Variants in ARMC3 observed in about 807,000 individuals in gnomAD.
ARMC3 encodes armadillo repeat-containing protein 3.
A neutral mutation model predicts 90.3 loss-of-function variants in ARMC3; 74 were observed. The observed-to-expected ratio is 0.82, with a 90% CI of 0.68 to 0.99. The LOEUF is 0.99. ARMC3 is among the 50% of genes least tolerant of loss of function. The probability of loss-of-function intolerance (pLI) is 0.00; values close to 1 mark genes in which losing one functional copy is unlikely to be tolerated. For synonymous variants in ARMC3, 334 were observed against 361.8 expected, an observed-to-expected ratio of 0.92 and a Z score of 0.87; for missense variants, 958 against 1,042.8, an observed-to-expected ratio of 0.92 and a Z score of 1.12.
intron 16 of ARMC3, among the ~76,000 whole-genome samples, chr10:23,011,734 G>C (rs1838022819): frequency 6.6e-6 from 1 of 152,082 alleles, no homozygotes; most frequent in African/African-American, 2.4e-5. Flanking sequence ...GGTTTGCTAA[G>C]GGACCAAATC....
At chr10:22,998,017 T>C (rs554216683) in intron 10 of ARMC3, 131 bp from the exon 11 acceptor site, 3 of 1,139,958 alleles carry the variant, frequency 2.6e-6, no homozygotes, top group Admixed American at 5.5e-5. Flanking sequence ...TCTGGGTTCA[T>C]TGCATGGCAA....
intron 2 of ARMC3, among the ~76,000 whole-genome samples, chr10:22,934,149 G>T (rs1229944093): frequency 1.3e-5 from 2 of 152,064 alleles, no homozygotes; most frequent in Admixed American, 6.5e-5. Context: ...ATAGTAATTT[G>T]CTTCTTATAT....
intron 7 of ARMC3, among the ~76,000 whole-genome samples, chr10:22,963,922 CAAAAAAA>C (rs35508443): frequency 4.9e-3 from 288 of 58,414 alleles, no homozygotes; most frequent in African/African-American, 0.021. Context: ...CACACACACA[CAAAAAAA>C]AAAAAAAAAA....
At chr10:22,977,294 C>G (rs1436825203) in intron 8 of ARMC3, among the ~76,000 whole-genome samples, 1 of 152,200 alleles carries the variant, frequency 6.6e-6, no homozygotes, top group African/African-American at 2.4e-5. Context: ...GTATAGCCCA[C>G]TCTGCTCTAC....
chr10:22,944,682 G>A lies in ARMC3; in HGVS notation c.49-1462G>A, dbSNP rs144759928. Among the ~76,000 whole-genome samples the A allele has an allele frequency of 4.8e-3, 723 of 152,176 alleles. 3 individuals carry two copies. Among genetic ancestry groups the A allele is most frequent in the African/African-American group, 0.016 (681 of 41,520 alleles). ...GATGTGAGGTCCTCGGGCATTCTGGGGCTACCCTTTAATACCTAAAGAGGA... is the reference window on the plus strand; with the variant it reads ...GATGTGAGGTCCTCGGGCATTCTGGAGCTACCCTTTAATACCTAAAGAGGA... On this transcript the variant is annotated intron_variant, in intron 2 of 18. Coordinates refer to ENST00000298032, the MANE Select transcript of ARMC3 (RefSeq NM_173081.5).
intron 16 of ARMC3, among the ~76,000 whole-genome samples, chr10:23,014,889 C>CAAAA (rs779670823): frequency 6.3e-5 from 4 of 63,062 alleles, no homozygotes; most frequent in Non-Finnish European, 1.3e-4. Flanking sequence ...ATAATCTGTA[C>CAAAA]AAAAAAAAAA....
At chr10:23,027,872 G>A (rs1286986814) in intron 16 of ARMC3, among the ~76,000 whole-genome samples, 1 of 152,038 alleles carries the variant, frequency 6.6e-6, no homozygotes, top group Non-Finnish European at 1.5e-5. Flanking sequence ...CAGGCACGGT[G>A]GCTCAAACCT....
At chr10:23,016,877 A>T (rs1169405267) in intron 16 of ARMC3, among the ~76,000 whole-genome samples, 1 of 152,134 alleles carries the variant, frequency 6.6e-6, no homozygotes, top group African/African-American at 2.4e-5. Context: ...TTTGTAGGTA[A>T]CTCTGAATAG....
chr10:22,946,129 C>T lies in ARMC3; in HGVS notation c.49-15C>T, dbSNP rs1374743189. 6.5e-7 allele frequency: 1 copy of T among 1,534,754 alleles called. No homozygotes were observed. Among genetic ancestry groups the T allele is most frequent in the Non-Finnish European group, 8.9e-7 (1 of 1,118,794 alleles). ...GCTCATATGTGAAACTGATAGTTTT[C>T]TTTCTGCCTTTCAGTTTGACCCATT... On this transcript the variant is annotated splice_polypyrimidine_tract_variant and intron_variant, in intron 2 of 18. Coordinates refer to ENST00000298032, the MANE Select transcript of ARMC3 (RefSeq NM_173081.5).
chr10:23,005,576 A>G (rs1837560786), intron 13 of ARMC3, among the ~76,000 whole-genome samples: 1 of 152,134 alleles, frequency 6.6e-6, no homozygotes, highest in Non-Finnish European at 1.5e-5. Flanking sequence ...TAAAAATGAG[A>G]GGCACTGGCT....
intron 2 of ARMC3, among the ~76,000 whole-genome samples, chr10:22,939,350 C>T (rs981049042): frequency 1.4e-4 from 21 of 152,106 alleles, no homozygotes; most frequent in African/African-American, 5.1e-4. Context: ...GGAACTCCAC[C>T]TGGCAAAGGA....
intron 12 of ARMC3, 143 bp downstream of exon 12, chr10:23,002,198 T>C (rs1273892364): frequency 7.8e-7 from 1 of 1,281,484 alleles, no homozygotes; most frequent in African/African-American, 1.5e-5. Context: ...AGGGCGGGCC[T>C]TGGCTTGGAA....
At chr10:22,987,539 A>G (rs2131361960) in intron 10 of ARMC3, among the ~76,000 whole-genome samples, 1 of 152,372 alleles carries the variant, frequency 6.6e-6, no homozygotes, top group South Asian at 2.1e-4. Flanking sequence ...AGATGCAATT[A>G]TCTTAGGAAA....
At chr10:23,005,928 G>A (rs1236309665) in intron 13 of ARMC3, among the ~76,000 whole-genome samples, 1 of 152,098 alleles carries the variant, frequency 6.6e-6, no homozygotes, top group Non-Finnish European at 1.5e-5. Flanking sequence ...TGGGCAGAGG[G>A]AGGGTGAGGG....
intron 8 of ARMC3, among the ~76,000 whole-genome samples, chr10:22,969,018 C>T (rs969129859): frequency 6.6e-6 from 1 of 152,128 alleles, no homozygotes; most frequent in South Asian, 2.1e-4. Context: ...CAATTCATTT[C>T]TACATTAAGT....
chr10:22,944,845 C>G (rs1834464386), intron 2 of ARMC3, among the ~76,000 whole-genome samples: 1 of 152,190 alleles, frequency 6.6e-6, no homozygotes, highest in Non-Finnish European at 1.5e-5. Flanking sequence ...CTAGAGGCCA[C>G]CTTTTCTCAT....
intron 11 of ARMC3, 46 bp from the exon 12 acceptor site, chr10:23,001,873 T>TA: frequency 6.3e-7 from 1 of 1,577,692 alleles, no homozygotes; most frequent in Non-Finnish European, 8.6e-7. Context: ...CACAAATAGT[T>TA]ACATTCTACA....
In ARMC3 at chr10:22,928,068, T is replaced by C. The variant is rs1294358185; in HGVS notation, c.-40T>C. The C allele has an allele frequency of 6.6e-6, 1 of 152,440 alleles. No individual in the cohort carries two copies. The highest frequency in any genetic ancestry group is 1.5e-5 in the Non-Finnish European group (1 of 68,218). 9.4% of individuals were successfully genotyped at this position (152,440 alleles called of 1,614,324 possible). ...GGGACTGGGGGTTCGTCTGCTGGGTTTGCGGAGCAGCTAGCTACTCGGCGG... is the reference window on the plus strand; with the variant it reads ...GGGACTGGGGGTTCGTCTGCTGGGTCTGCGGAGCAGCTAGCTACTCGGCGG... On this transcript the variant is annotated 5_prime_UTR_variant, in exon 1 of 19. Coordinates refer to ENST00000298032, the MANE Select transcript of ARMC3 (RefSeq NM_173081.5).
At position 22,941,580 on chromosome 10, in the gene ARMC3, A is replaced by G. The variant is rs1380811095; in HGVS notation, c.49-4564A>G. ...AATAGGGATTCAATAAATGTTTATT[A>G]AATAAATGAATTAATGAAGGTGAAT... On this transcript the variant is annotated intron_variant, in intron 2 of 18. Coordinates refer to ENST00000298032, the MANE Select transcript of ARMC3 (RefSeq NM_173081.5). Among the ~76,000 whole-genome samples, 3 of 152,224 alleles carry G rather than the reference A, an allele frequency of 2.0e-5. No homozygotes were observed. The East Asian group carries it at 5.8e-4, about 29-fold the overall frequency.
Sources: allele counts gnomAD v4.1 joint callset (sites outside exome capture counted in the v4.1 genomes callset), GRCh38; gene constraint gnomAD v4.1.1; transcripts MANE v1.5; gene names NCBI Gene and HGNC (gene_info 2026-07-23, HGNC 2026-07-21).